Variants in NCK1 observed in about 807,000 individuals in gnomAD.
NCK1 encodes the protein SH2/SH3 adapter protein NCK1.
NCK1 carries 19 observed loss-of-function variants against 36.6 expected under a neutral mutation model. That is an observed-to-expected ratio of 0.52 (90% CI 0.36 to 0.76). NCK1 has a LOEUF of 0.76. NCK1 is among the 30% of genes least tolerant of loss of function. The probability of loss-of-function intolerance (pLI) is 0.00; values close to 1 mark genes in which losing one functional copy is unlikely to be tolerated. For synonymous variants in NCK1, 165 were observed against 156.0 expected, an observed-to-expected ratio of 1.06 and a Z score of -0.43; for missense variants, 358 against 445.6, an observed-to-expected ratio of 0.80 and a Z score of 1.77.
At chr3:136,874,404 T>A (rs1466400878) in intron 1 of NCK1, among the ~76,000 whole-genome samples, 1 of 151,790 alleles carries the variant, frequency 6.6e-6, no homozygotes, top group African/African-American at 2.4e-5. Flanking sequence ...GGTCTCGAAG[T>A]CCTGACCTCA....
At chr3:136,933,197 G>A (rs1224427785) in intron 2 of NCK1, among the ~76,000 whole-genome samples, 1 of 152,214 alleles carries the variant, frequency 6.6e-6, no homozygotes, top group African/African-American at 2.4e-5. Context: ...ATTCGAGTCT[G>A]AGAGGTGCTT....
intron 2 of NCK1, among the ~76,000 whole-genome samples, chr3:136,931,486 A>G (rs978274349): frequency 6.6e-6 from 1 of 152,182 alleles, no homozygotes; most frequent in Non-Finnish European, 1.5e-5. Flanking sequence ...GTGAAGACTC[A>G]TTTGTTAGCT....
intron 2 of NCK1, among the ~76,000 whole-genome samples, chr3:136,942,682 CCATGTGCACGT>C (rs1315930722): frequency 6.6e-6 from 1 of 152,184 alleles, no homozygotes; most frequent in Non-Finnish European, 1.5e-5. Context: ...CCAGCCCTGG[CCATGTGCACGT>C]CCTTCTTGAT....
At chr3:136,862,607 C>G (rs1393801564) in intron 1 of NCK1, among the ~76,000 whole-genome samples, 2 of 152,232 alleles carry the variant, frequency 1.3e-5, no homozygotes, top group Non-Finnish European at 2.9e-5. Context: ...TCCTTGTCAG[C>G]CCCTGGAGCG....
chr3:136,929,370 A>T (rs1940334636), intron 2 of NCK1, among the ~76,000 whole-genome samples: 1 of 152,276 alleles, frequency 6.6e-6, no homozygotes, highest in African/African-American at 2.4e-5. Context: ...TAAGATATAA[A>T]GTAGTGGATT....
chr3:136,927,425 A>G (rs1179226118), intron 1 of NCK1, among the ~76,000 whole-genome samples: 1 of 152,222 alleles, frequency 6.6e-6, no homozygotes, highest in Non-Finnish European at 1.5e-5. Flanking sequence ...AATTGAGTAG[A>G]ACATTTTTCA....
At chr3:136,934,395 C>T (rs1940470932) in intron 2 of NCK1, among the ~76,000 whole-genome samples, 1 of 152,014 alleles carries the variant, frequency 6.6e-6, no homozygotes, top group Non-Finnish European at 1.5e-5. Flanking sequence ...AAGTGATTCT[C>T]CTGCCTCAGC....
chr3:136,865,114 C>G (rs9819804), intron 1 of NCK1, among the ~76,000 whole-genome samples: 1 of 151,886 alleles, frequency 6.6e-6, no homozygotes, highest in African/African-American at 2.4e-5. Flanking sequence ...CCTGCCACCA[C>G]GCCTGACTAA....
intron 1 of NCK1, among the ~76,000 whole-genome samples, chr3:136,880,370 C>G (rs9843733): frequency 0.67 from 101,827 of 151,890 alleles, 34,562 homozygotes; most frequent in East Asian, 0.87. Flanking sequence ...AGGGTGGACC[C>G]TAATCCACCA....
chr3:136,878,899 G>A (rs551454041), intron 1 of NCK1, among the ~76,000 whole-genome samples: 3 of 152,246 alleles, frequency 2.0e-5, no homozygotes, highest in East Asian at 1.9e-4. Flanking sequence ...TATTGAGACC[G>A]TTACTGAGGC....
intron 1 of NCK1, among the ~76,000 whole-genome samples, chr3:136,914,323 T>G (rs773620261): frequency 5.3e-5 from 8 of 152,196 alleles, no homozygotes; most frequent in African/African-American, 1.9e-4. Context: ...AGAGCTGAAA[T>G]TGACTAAAAG....
intron 2 of NCK1, among the ~76,000 whole-genome samples, chr3:136,940,496 A>T (rs1409583303): frequency 6.6e-6 from 1 of 151,888 alleles, no homozygotes; most frequent in Non-Finnish European, 1.5e-5. Context: ...TGATGGACTG[A>T]TTCTTTTATC....
intron 1 of NCK1, among the ~76,000 whole-genome samples, chr3:136,883,000 C>T (rs535265378): frequency 6.6e-6 from 1 of 152,274 alleles, no homozygotes; most frequent in East Asian, 1.9e-4. Flanking sequence ...CTCACTGCAA[C>T]CTCCGCCTCC....
Position 136,888,346 on chromosome 3 carries a change from A to G in NCK1, c.-19+25993A>G, listed in dbSNP as rs187515190. ...CACATACTATACAGTTCACTCATTA[A>G]AAGTATACAATTCAGCTTTTAGTAT... is the stretch of plus-strand genomic sequence containing the variant. On this transcript the variant is annotated intron_variant, in intron 1 of 3. Transcript: ENST00000481752. Among the ~76,000 whole-genome samples the G allele has an allele frequency of 2.6e-5, 4 of 152,344 alleles. No homozygotes were observed. The East Asian group carries it at 5.8e-4, about 22-fold the overall frequency.
chr3:136,882,786 G>C (rs771503925), intron 1 of NCK1, among the ~76,000 whole-genome samples: 2 of 152,174 alleles, frequency 1.3e-5, no homozygotes, highest in Non-Finnish European at 2.9e-5. Flanking sequence ...TGAGTCATGT[G>C]ATCTTATCTA....
chr3:136,891,089 AC>A (rs1470769241), intron 1 of NCK1, among the ~76,000 whole-genome samples: 2 of 152,236 alleles, frequency 1.3e-5, no homozygotes, highest in Non-Finnish European at 2.9e-5. Flanking sequence ...AAAGGCTGGT[AC>A]TGTTCCGTTG....
chr3:136,930,733 A>T (rs1417674734), intron 2 of NCK1: 1 of 615,068 alleles, frequency 1.6e-6, no homozygotes, highest in African/African-American at 1.9e-5. Flanking sequence ...TATAAACCAA[A>T]TGATTGGTGA....
chr3:136,917,390 TCTC>T (rs1939998111), intron 1 of NCK1, among the ~76,000 whole-genome samples: 1 of 152,234 alleles, frequency 6.6e-6, no homozygotes. Flanking sequence ...TGGTTCCTAT[TCTC>T]ATTTTTTCCT....
chr3:136,928,593 A>T (rs1357152561), intron 2 of NCK1: 1 of 194,238 alleles, frequency 5.1e-6, no homozygotes, highest in Non-Finnish European at 1.1e-5. Context: ...GAATTTTAAC[A>T]TCTAATGACC....
Sources: allele counts gnomAD v4.1 joint callset (sites outside exome capture counted in the v4.1 genomes callset), GRCh38; gene constraint gnomAD v4.1.1; transcripts MANE v1.5; gene names NCBI Gene and HGNC (gene_info 2026-07-23, HGNC 2026-07-21).